Variants in OVOL2 observed in about 807,000 individuals in gnomAD.
OVOL2 encodes ovo like zinc finger 2, also known as transcription factor Ovo-like 2.
OVOL2 carries 13 observed loss-of-function variants against 18.1 expected under a neutral mutation model. The ratio of observed to expected loss-of-function variants is 0.72; its 90% CI spans 0.47 to 1.14. OVOL2 has a LOEUF of 1.14. Ranked by LOEUF, OVOL2 falls within the 50% of genes most tolerant of loss-of-function variation. The pLI is 0.00. For missense variants in OVOL2, 335 were observed against 383.0 expected (o/e 0.87, Z 1.05); for synonymous variants, 166 against 162.7 (o/e 1.02, Z -0.16).
rs1251026430 is a variant in OVOL2 at position 18,056,430 on chromosome 20, A to T, written c.321+227T>A. On this transcript the variant is annotated intron_variant, in intron 2 of 3. Coordinates refer to ENST00000278780, the MANE Select transcript of OVOL2 (RefSeq NM_021220.4). The surrounding 1 kb of genome is among the most constrained non-coding windows in gnomAD (Gnocchi z 4.2). ...CGGGGCCACCGGGAGGACGGAGCCC[A>T]CTCCGGGAACCGGCCGCCCCTGCGC... 6.6e-6 allele frequency among the ~76,000 whole-genome samples: 1 copy of T among 151,794 alleles called. No individual in the cohort carries two copies. Among genetic ancestry groups the T allele is most frequent in the African/African-American group, 2.4e-5 (1 of 41,356 alleles).
intron 2 of OVOL2, among the ~76,000 whole-genome samples, chr20:18,052,237 T>C (rs995235750): frequency 1.3e-5 from 2 of 152,132 alleles, no homozygotes; most frequent in Non-Finnish European, 2.9e-5. Flanking sequence ...ATTAACTTGA[T>C]GGAGGGAAAA....
intron 3 of OVOL2, 53 bp from the exon 4 acceptor site, chr20:18,025,005 C>T (rs1420798734): frequency 1.3e-6 from 2 of 1,555,054 alleles, no homozygotes; most frequent in African/African-American, 2.7e-5. Flanking sequence ...CAAGCCAGAA[C>T]CACCCAACTA....
chr20:18,032,173 T>C (rs1030848716), intron 3 of OVOL2, among the ~76,000 whole-genome samples: 6 of 149,172 alleles, frequency 4.0e-5, no homozygotes, highest in African/African-American at 1.5e-4. Context: ...GATATACTCA[T>C]GGTAGGATTG....
intron 3 of OVOL2, among the ~76,000 whole-genome samples, chr20:18,041,200 G>A (rs1471893793): frequency 6.6e-6 from 1 of 151,798 alleles, no homozygotes; most frequent in Non-Finnish European, 1.5e-5. Context: ...GTCTTGCAAT[G>A]TCACCCAGGC....
intron 3 of OVOL2, among the ~76,000 whole-genome samples, chr20:18,028,322 G>A (rs1002902763): frequency 5.4e-4 from 82 of 151,592 alleles, no homozygotes; most frequent in African/African-American, 1.8e-3. Flanking sequence ...GACTACAGGT[G>A]CCCGCCACAA....
At chr20:18,043,590 C>T (rs2036697054) in intron 2 of OVOL2, among the ~76,000 whole-genome samples, 1 of 152,180 alleles carries the variant, frequency 6.6e-6, no homozygotes, top group Non-Finnish European at 1.5e-5. Flanking sequence ...TAACACTACC[C>T]AGAGTAGAAC....
At chr20:18,026,420 C>T (rs2036516378) in intron 3 of OVOL2, among the ~76,000 whole-genome samples, 1 of 145,310 alleles carries the variant, frequency 6.9e-6, no homozygotes, top group South Asian at 2.2e-4. Flanking sequence ...CTGGCTCTGT[C>T]ACCCAGGTTG....
At chr20:18,040,016 C>T (rs2036654813) in intron 3 of OVOL2, among the ~76,000 whole-genome samples, 1 of 152,122 alleles carries the variant, frequency 6.6e-6, no homozygotes, top group Non-Finnish European at 1.5e-5. Flanking sequence ...CCTCAAACTC[C>T]TACGTTCAAG....
intron 3 of OVOL2, among the ~76,000 whole-genome samples, chr20:18,034,626 T>TCTCTCTC (rs2036598587): frequency 4.3e-5 from 6 of 138,136 alleles, no homozygotes; most frequent in African/African-American, 5.7e-5. Flanking sequence ...CTTCCCCTCT[T>TCTCTCTC]TCTCTCTCTC....
rs138064941 is a variant in OVOL2 at position 18,038,471 on chromosome 20, T to A, written c.511+3063A>T. Among the ~76,000 whole-genome samples the A allele has an allele frequency of 3.2e-3, 493 of 152,264 alleles. 2 individuals carry two copies. Among genetic ancestry groups the A allele is most frequent in the African/African-American group, 0.011 (461 of 41,548 alleles). ...CAGTCAGCTAACTCAGATCAGGAGT[T>A]CTTAACTACTATGTGACCGCCTCAA... On this transcript the variant is annotated intron_variant, in intron 3 of 3. Transcript: ENST00000278780.
At chr20:18,055,819 C>T (rs1209639995) in intron 2 of OVOL2, among the ~76,000 whole-genome samples, 1 of 152,214 alleles carries the variant, frequency 6.6e-6, no homozygotes, top group African/African-American at 2.4e-5. Flanking sequence ...AAAGAGGGGC[C>T]AAGTGATCAT....
intron 3 of OVOL2, among the ~76,000 whole-genome samples, chr20:18,027,198 T>G (rs546243927): frequency 3.9e-5 from 6 of 152,116 alleles, no homozygotes; most frequent in African/African-American, 1.4e-4. Context: ...GAAATTCCCG[T>G]AGGCCATATC....
intron 3 of OVOL2, among the ~76,000 whole-genome samples, chr20:18,038,078 C>A (rs1415740749): frequency 6.6e-6 from 1 of 152,202 alleles, no homozygotes; most frequent in African/African-American, 2.4e-5. Flanking sequence ...AAACAAGGCA[C>A]CTCCCAGGAC....
intron 2 of OVOL2, among the ~76,000 whole-genome samples, chr20:18,049,887 G>C (rs1315284424): frequency 6.6e-6 from 1 of 152,102 alleles, no homozygotes; most frequent in Non-Finnish European, 1.5e-5. Flanking sequence ...TCAACACTAA[G>C]GGCTAAAGCA....
intron 3 of OVOL2, among the ~76,000 whole-genome samples, chr20:18,031,218 C>T (rs996372143): frequency 5.3e-5 from 8 of 152,134 alleles, no homozygotes; most frequent in African/African-American, 1.2e-4. Flanking sequence ...GAAACGGGGG[C>T]GGCTGCTCCA....
chr20:18,057,595 C>A lies in OVOL2; in HGVS notation c.40G>T (p.Val14Phe). ...VFLVKRRSLG[V>F]SVRSWDELPD... ...AGCTCATCCCAGCTGCGGACCGAGA[C>A]CCCCAGGCTCCTCCTCTTCACCAGG... The change falls in exon 1 of 4, where the codon GTC becomes TTC. Residue 14 changes from valine to phenylalanine, a missense_variant. Physicochemically the swap from Val to Phe is conservative, Grantham distance 50 (BLOSUM62 -1). Transcript: ENST00000278780. This position sits in a 1 kb window ranked among gnomAD's most constrained non-coding sequence, Gnocchi z 6.3. 1 of 1,596,982 alleles carries A rather than the reference C, an allele frequency of 6.3e-7. No individual in the cohort carries two copies. Among genetic ancestry groups the A allele is most frequent in the East Asian group, 2.3e-5 (1 of 43,914 alleles).
At chr20:18,051,890 G>A (rs1441707259) in intron 2 of OVOL2, among the ~76,000 whole-genome samples, 1 of 152,132 alleles carries the variant, frequency 6.6e-6, no homozygotes, top group Non-Finnish European at 1.5e-5. Context: ...ATGCCACCAA[G>A]CCCTACTAAT....
intron 3 of OVOL2, among the ~76,000 whole-genome samples, 161 bp from the exon 4 acceptor site, chr20:18,025,113 T>C (rs917937221): frequency 6.6e-6 from 1 of 152,004 alleles, no homozygotes; most frequent in Non-Finnish European, 1.5e-5. Flanking sequence ...AATCATAGCA[T>C]CCACCTGAGT....
At chr20:18,034,169 G>T (rs574454266) in intron 3 of OVOL2, among the ~76,000 whole-genome samples, 1 of 152,232 alleles carries the variant, frequency 6.6e-6, no homozygotes, top group South Asian at 2.1e-4. Context: ...CCCAGCTGTC[G>T]TGTGGCTTCT....
Sources: gnomAD v4.1 joint callset for allele counts (sites outside exome capture counted in the v4.1 genomes callset) on GRCh38, gnomAD v4.1.1 for gene constraint, Gnocchi (gnomAD v3.1) non-coding constraint, MANE v1.5 for transcripts, NCBI Gene and HGNC (gene_info 2026-07-23, HGNC 2026-07-21) for gene names.